EDNRB: variants seen among roughly 807,000 people sequenced by gnomAD.
EDNRB encodes endothelin receptor type B, also known as Hirschsprung disease 2.
A neutral mutation model predicts 46.4 loss-of-function variants in EDNRB; 18 were observed. The observed-to-expected ratio is 0.39, with a 90% CI of 0.27 to 0.57. EDNRB has a LOEUF of 0.57. Among genes scored for constraint, EDNRB ranks in the 20% least tolerant of loss-of-function variants. EDNRB has a pLI of 0.61. For synonymous variants in EDNRB, 213 were observed against 204.9 expected (o/e 1.04, Z -0.34); for missense variants, 434 against 537.5 (o/e 0.81, Z 1.90).
intron 1 of EDNRB, among the ~76,000 whole-genome samples, chr13:77,962,965 T>C (rs1003065314): frequency 1.3e-5 from 2 of 152,126 alleles, no homozygotes; most frequent in Non-Finnish European, 2.9e-5. Flanking sequence ...ACAAGCATTC[T>C]TATACACCAA....
rs201575053 is a variant in EDNRB, at chr13:77,897,552, T to C, written c.*648A>G. ...GCTTGTTTGTGACATGTTGGTTACATATTGCAGAATGCTGAGGTTTGGGCT... is the reference window on the plus strand; with the variant it reads ...GCTTGTTTGTGACATGTTGGTTACACATTGCAGAATGCTGAGGTTTGGGCT... On this transcript the variant is annotated 3_prime_UTR_variant, in exon 7 of 7. Transcript: ENST00000646607. 69 of 984,586 alleles carry C rather than the reference T, an allele frequency of 7.0e-5. No individual in the cohort carries two copies. The highest frequency in any genetic ancestry group is 8.2e-5 in the Non-Finnish European group (68 of 829,352). The allele number at this position is 984,586 out of a possible 1,614,324, so 61.0% of individuals were successfully genotyped here. A position where few individuals can be genotyped will look rare whatever the true frequency, so the allele number is the denominator to read the frequency against.
At chr13:77,940,916 GA>G (rs1239989847) in intron 1 of EDNRB, among the ~76,000 whole-genome samples, 1 of 152,210 alleles carries the variant, frequency 6.6e-6, no homozygotes, top group Non-Finnish European at 1.5e-5. Flanking sequence ...ATGGGAACAG[GA>G]TCCTAGATGC....
chr13:77,927,277 G>A (rs1237600440), intron 1 of EDNRB, among the ~76,000 whole-genome samples: 3 of 152,138 alleles, frequency 2.0e-5, no homozygotes, highest in African/African-American at 7.2e-5. Context: ...TAAGTTCAGA[G>A]AATCCAAAGC....
intron 1 of EDNRB, among the ~76,000 whole-genome samples, chr13:77,949,721 C>T (rs780844895): frequency 6.6e-6 from 1 of 152,092 alleles, no homozygotes; most frequent in Non-Finnish European, 1.5e-5. Flanking sequence ...GACAGTGTTC[C>T]AGACAATTGG....
chr13:77,929,806 G>T (rs967237547), intron 1 of EDNRB, among the ~76,000 whole-genome samples: 2 of 152,130 alleles, frequency 1.3e-5, no homozygotes, highest in Admixed American at 1.3e-4. Context: ...ATTTTACCTC[G>T]ATATATCCTC....
At position 77,940,353 on chromosome 13, in the gene EDNRB, A is replaced by G. The variant is rs946829164; in HGVS notation, c.-51-21729T>C. 2.0e-5 allele frequency among the ~76,000 whole-genome samples: 3 copies of G among 151,932 alleles called. No individual in the cohort carries two copies. The East Asian group carries it at 5.8e-4, about 29-fold the overall frequency. The stretch of plus-strand genomic sequence containing the variant: ...ATTTTTTTTTTTCATAGAGAAGGTG[A>G]TAATGGGGCTCAGCTATAAAATATG... On this transcript the variant is annotated intron_variant, in intron 1 of 7. Coordinates refer to the EDNRB transcript ENST00000646948.
intron 1 of EDNRB, among the ~76,000 whole-genome samples, chr13:77,930,713 T>C (rs1158216399): frequency 6.6e-6 from 1 of 152,216 alleles, no homozygotes; most frequent in Non-Finnish European, 1.5e-5. Flanking sequence ...AACAAGCTAT[T>C]TGTAAAGCTC....
At chr13:77,902,049 C>T (rs536680763) in intron 3 of EDNRB, among the ~76,000 whole-genome samples, 56 of 151,986 alleles carry the variant, frequency 3.7e-4, no homozygotes, top group Non-Finnish European at 4.9e-4. Context: ...CTTCTGGAAA[C>T]GAGTATCATC....
Position 77,918,732 on chromosome 13 carries a change from A to G in EDNRB, c.-159T>C. Reference sequence around the variant, plus strand: ...AGCCTCTTCGCCAGTATCCACGCTCAAAAGTAACTCAAGTTTGCGCGCCAG... The same window carrying G: ...AGCCTCTTCGCCAGTATCCACGCTCGAAAGTAACTCAAGTTTGCGCGCCAG... On this transcript the variant is annotated 5_prime_UTR_variant, in exon 1 of 7. Coordinates refer to ENST00000646607, the MANE Select transcript of EDNRB (RefSeq NM_001122659.3). The surrounding 1 kb of genome is among the most constrained non-coding windows in gnomAD (Gnocchi z 4.5). 5 of 1,337,862 alleles carry G rather than the reference A, an allele frequency of 3.7e-6. No individual in the cohort carries two copies. Among genetic ancestry groups the G allele is most frequent in the South Asian group, 2.2e-5 (1 of 45,258 alleles). 82.9% of individuals were successfully genotyped at this position (1,337,862 alleles called of 1,614,324 possible).
At chr13:77,924,159 G>A (rs1181449603), upstream of EDNRB, among the ~76,000 whole-genome samples, 5 of 152,318 alleles carry the variant, frequency 3.3e-5, no homozygotes, top group South Asian at 2.1e-4. Context: ...TTGTCAAAGC[G>A]AGGGATCATC....
Position 77,901,174 on chromosome 13 carries a change from T to C in EDNRB, c.835A>G (p.Ser279Gly). 6.2e-7 allele frequency: 1 copy of C among 1,611,286 alleles called. No homozygotes were observed. Among genetic ancestry groups the C allele is most frequent in the East Asian group, 2.2e-5 (1 of 44,652 alleles). ...GCCAATGGCAAGCAGAAATAGAAAC[T>C]GAATAGCCACCAATCTTTTGCTGTC... Reference protein sequence around the residue: ...YKTAKDWWLFSFYFCLPLAIT... With the variant: ...YKTAKDWWLFGFYFCLPLAIT... The change falls in exon 4 of 7, where the codon AGT (serine) becomes GGT (glycine). Residue 279 changes from serine (S) to glycine (G), a missense_variant. Physicochemically the swap from Ser to Gly is moderately conservative, Grantham distance 56. Coordinates refer to ENST00000646607, the MANE Select transcript of EDNRB (RefSeq NM_001122659.3).
chr13:77,940,661 T>C (rs1053702644), intron 1 of EDNRB, among the ~76,000 whole-genome samples: 5 of 152,000 alleles, frequency 3.3e-5, no homozygotes, highest in Non-Finnish European at 5.9e-5. Context: ...GATTAGTTTG[T>C]CAGAAAATCT....
At chr13:77,912,510 C>G (rs1245059337) in intron 1 of EDNRB, among the ~76,000 whole-genome samples, 2 of 152,026 alleles carry the variant, frequency 1.3e-5, no homozygotes, top group African/African-American at 2.4e-5. Flanking sequence ...CTTTCTTTTT[C>G]TTTTTCATTT....
At chr13:77,971,290 C>T (rs4884079) in intron 1 of EDNRB, among the ~76,000 whole-genome samples, 30,620 of 152,062 alleles carry the variant, frequency 0.2, 3,577 homozygotes, top group East Asian at 0.54. Flanking sequence ...TAATGATGTC[C>T]TTCGGTATTT....
chr13:77,971,834 T>C (rs1881743336), intron 1 of EDNRB, among the ~76,000 whole-genome samples: 3 of 152,206 alleles, frequency 2.0e-5, no homozygotes, highest in Non-Finnish European at 4.4e-5. Flanking sequence ...TTTCTCCTTC[T>C]TGTTGATGAA....
chr13:77,913,192 C>T (rs1879656712), intron 1 of EDNRB, among the ~76,000 whole-genome samples: 1 of 152,198 alleles, frequency 6.6e-6, no homozygotes, highest in East Asian at 1.9e-4. Context: ...AAGGTCACTT[C>T]ACTCGAAACT....
intron 1 of EDNRB, chr13:77,944,656 AT>A (rs2137668192): frequency 6.6e-6 from 1 of 152,310 alleles, no homozygotes. Flanking sequence ...AGAGTTAGGT[AT>A]AATTTGTGAA....
intron 1 of EDNRB, among the ~76,000 whole-genome samples, chr13:77,934,208 T>G (rs1459155374): frequency 6.6e-6 from 1 of 152,154 alleles, no homozygotes; most frequent in Admixed American, 6.5e-5. Context: ...ATACAGGAGC[T>G]TAAATGGGCT....
Position 77,896,605 on chromosome 13 carries a change from G to C in EDNRB, c.*1595C>G, listed in dbSNP as rs369483813. 6.5e-7 allele frequency: 1 copy of C among 1,539,324 alleles called. No individual in the cohort carries two copies. Among genetic ancestry groups the C allele is most frequent in the African/African-American group, 1.4e-5 (1 of 72,546 alleles). On this transcript the variant is annotated 3_prime_UTR_variant, in exon 7 of 7. Coordinates refer to ENST00000646607, the MANE Select transcript of EDNRB (RefSeq NM_001122659.3). ...AAAAATTTGGGCATATTTTAAGACCGAGTTAAAGCTCTTGGGCCCAATTTA... is the reference window on the plus strand; with the variant it reads ...AAAAATTTGGGCATATTTTAAGACCCAGTTAAAGCTCTTGGGCCCAATTTA...
Sources: allele counts gnomAD v4.1 joint callset (sites outside exome capture counted in the v4.1 genomes callset), GRCh38; gene constraint gnomAD v4.1.1; non-coding constraint Gnocchi (gnomAD v3.1); transcripts MANE v1.5; gene names NCBI Gene and HGNC (gene_info 2026-07-23, HGNC 2026-07-21).